DDOST: variants seen among roughly 807,000 people sequenced by gnomAD.
The protein encoded by DDOST is dolichyl-diphosphooligosaccharide--protein glycosyltransferase 48 kDa subunit.
DDOST carries 25 observed loss-of-function variants against 47.6 expected under a neutral mutation model. The ratio of observed to expected loss-of-function variants is 0.53; its 90% CI spans 0.38 to 0.73. DDOST has a LOEUF of 0.73. Among genes scored for constraint, DDOST ranks in the 30% least tolerant of loss-of-function variants. DDOST has a pLI of 0.00. For missense variants in DDOST, 526 were observed against 573.9 expected (o/e 0.92, Z 0.85); for synonymous variants, 275 against 236.0 (o/e 1.17, Z -1.51).
intron 2 of DDOST, among the ~76,000 whole-genome samples, chr1:20,660,145 CT>C (rs1423779433): frequency 1.3e-5 from 2 of 152,144 alleles, no homozygotes; most frequent in African/African-American, 4.8e-5. Context: ...ACCGAATAAG[CT>C]GTGATTATGT....
rs2053303222 is a variant in DDOST, at chr1:20,652,420, T to C, written c.1279A>G (p.Ile427Val). Residue 427 changes from isoleucine (I) to valine (V), a missense_variant, in exon 11 of 11, where the codon ATC (isoleucine) becomes GTC (valine). By Grantham distance (29) the Ile-to-Val change is conservative (BLOSUM62 3). Coordinates refer to ENST00000602624, the MANE Select transcript of DDOST (RefSeq NM_005216.5). ...SMMLGLFIFSIVFLHMKEKEK... is the reference protein window; with the variant it reads ...SMMLGLFIFSVVFLHMKEKEK... ...TTCTCCTTCATGTGCAAGAAGACGA[T>C]GCTGAAGATGAAGAGCCCCAGCATC... 2 of 1,613,962 alleles carry C rather than the reference T, an allele frequency of 1.2e-6. No homozygotes were observed. The highest frequency in any genetic ancestry group is 1.7e-6 in the Non-Finnish European group (2 of 1,179,976).
In DDOST at chr1:20,653,744, A is replaced by G; in HGVS notation, c.825T>C (p.Ala275=). The G allele has an allele frequency of 6.2e-7, 1 of 1,614,018 alleles. No homozygotes were observed. Among genetic ancestry groups the G allele is most frequent in the Non-Finnish European group, 8.5e-7 (1 of 1,179,946 alleles). Residue 275 remains alanine, a synonymous_variant, in exon 8 of 11, where the codon GCT becomes GCC. Coordinates refer to ENST00000602624, the MANE Select transcript of DDOST (RefSeq NM_005216.5). The part of the protein sequence containing the change: ...RYSQTGNYEL[A]VALSRWVFKE... ...TGAACACCCAGCGGGAGAGGGCCAC[A>G]GCTAGTTCATAGTTGCCTGTCTGGG...
chr1:20,658,035 A>C (rs1486679421), intron 2 of DDOST, among the ~76,000 whole-genome samples: 2 of 152,238 alleles, frequency 1.3e-5, no homozygotes, highest in African/African-American at 4.8e-5. Flanking sequence ...CAGCCTCACT[A>C]TAAAATTATC....
At chr1:20,658,179 A>T (rs2053396178) in intron 2 of DDOST, among the ~76,000 whole-genome samples, 2 of 152,214 alleles carry the variant, frequency 1.3e-5, no homozygotes, top group East Asian at 3.8e-4. Context: ...TTCCCCATCT[A>T]TAACAGGGAT....
chr1:20,655,837 G>T, intron 3 of DDOST, 58 bp from the exon 4 acceptor site: 1 of 1,412,032 alleles, frequency 7.1e-7, no homozygotes, highest in Non-Finnish European at 1.0e-6. Context: ...TGGGCCAAGT[G>T]TCCTTGGCTT....
In DDOST at chr1:20,661,208, C is replaced by G. The variant is rs2053430752; in HGVS notation, c.143G>C (p.Arg48Pro). 6.2e-7 allele frequency: 1 copy of G among 1,613,718 alleles called. No homozygotes were observed. Among genetic ancestry groups the G allele is most frequent in the Admixed American group, 1.7e-5 (1 of 60,004 alleles). The change falls in exon 1 of 11, where the codon CGG becomes CCG. Residue 48 changes from arginine (R) to proline (P), a missense_variant. Physicochemically the swap from Arg to Pro is moderately radical, Grantham distance 103. Transcript: ENST00000602624. ...NVRETHSLFF[R>P]SLKDRGFELT... ...GACCCCGCTCTCACCCTTCAGGCTC[C>G]GGAAGAAAAGCGAATGAGTCTCCCG...
At chr1:20,656,963 T>A (rs1301053015) in intron 2 of DDOST, among the ~76,000 whole-genome samples, 1 of 152,206 alleles carries the variant, frequency 6.6e-6, no homozygotes, top group Non-Finnish European at 1.5e-5. Flanking sequence ...TGCTCAGTAA[T>A]CCATTTATTC....
At chr1:20,655,349 G>GA (rs1401649077) in intron 5 of DDOST, 91 bp downstream of exon 5, 1 of 909,040 alleles carries the variant, frequency 1.1e-6, no homozygotes, top group African/African-American at 1.7e-5. Context: ...TACCCTTAAA[G>GA]AATTACAATT....
rs3738141 is a variant in DDOST at position 20,655,912 on chromosome 1, G to A, written c.353-133C>T. On this transcript the variant is annotated intron_variant, in intron 3 of 10. Transcript: ENST00000602624. ...CTTCATCCAGCTGGGCTCAGCCCCAGATGGACCCCTGGACAGCAGTGTGGT... is the reference window on the plus strand; with the variant it reads ...CTTCATCCAGCTGGGCTCAGCCCCAAATGGACCCCTGGACAGCAGTGTGGT... The A allele has an allele frequency of 0.19, 160,583 of 856,278 alleles. 15,995 individuals are homozygous for A. The highest frequency in any genetic ancestry group is 0.2 in the Non-Finnish European group (104,229 of 520,294). 53.0% of individuals were successfully genotyped at this position (856,278 alleles called of 1,614,324 possible). A position where few individuals can be genotyped will look rare whatever the true frequency, so the allele number is the denominator to read the frequency against.
In DDOST at chr1:20,660,925, T is replaced by TC. The variant is rs761796965; in HGVS notation, c.220dup (p.Glu74GlyfsTer5). ...AATGATGAGATTGTCATAGAGGAAT[T>TC]CCCCATACTTTATGAGAGACAGGCT... On this transcript the variant is annotated frameshift_variant, in exon 2 of 11. Coordinates refer to ENST00000602624, the MANE Select transcript of DDOST (RefSeq NM_005216.5). LOFTEE classifies it high-confidence loss of function. 6.2e-7 allele frequency: 1 copy of TC among 1,613,512 alleles called. No individual in the cohort carries two copies. Among genetic ancestry groups the TC allele is most frequent in the South Asian group, 1.1e-5 (1 of 91,052 alleles).
rs569862570 is a variant in DDOST, at chr1:20,652,247, G to C, written c.*132C>G. On this transcript the variant is annotated 3_prime_UTR_variant, in exon 11 of 11. Transcript: ENST00000602624. ...CCCAACTCCCACCCCTTGGCTCTCA[G>C]TGTTGCATCTCCCACAGAGGTAAAG... 3.4e-6 allele frequency: 3 copies of C among 881,420 alleles called. No individual in the cohort carries two copies. In the African/African-American group the frequency reaches 5.1e-5, roughly 15 times the overall value. The allele number at this position is 881,420 out of a possible 1,614,324, so 54.6% of individuals were successfully genotyped here. A position where few individuals can be genotyped will look rare whatever the true frequency, so the allele number is the denominator to read the frequency against.
In DDOST at chr1:20,652,738, AC is replaced by A; in HGVS notation, c.1064-12del. The A allele has an allele frequency of 1.9e-6, 3 of 1,614,078 alleles. No homozygotes were observed. The highest frequency in any genetic ancestry group is 2.5e-6 in the Non-Finnish European group (3 of 1,179,928). On this transcript the variant is annotated splice_polypyrimidine_tract_variant and intron_variant, in intron 9 of 10. Coordinates refer to ENST00000602624, the MANE Select transcript of DDOST (RefSeq NM_005216.5). ...CACTGTATTTGCCACCTGCGGAAGA[AC>A]CAACAAGAATAACCGGGAGGGGTTT...
chr1:20,652,732 G>T lies in DDOST; in HGVS notation c.1064-5C>A, dbSNP rs201875679. The T allele has an allele frequency of 6.2e-7, 1 of 1,614,062 alleles. No homozygotes were observed. Among genetic ancestry groups the T allele is most frequent in the Non-Finnish European group, 8.5e-7 (1 of 1,179,922 alleles). On this transcript the variant is annotated splice_polypyrimidine_tract_variant and splice_region_variant and intron_variant, in intron 9 of 10. Coordinates refer to ENST00000602624, the MANE Select transcript of DDOST (RefSeq NM_005216.5). ...ACTGAACACTGTATTTGCCACCTGC[G>T]GAAGAACCAACAAGAATAACCGGGA...
intron 2 of DDOST, among the ~76,000 whole-genome samples, chr1:20,657,441 C>T (rs1170362870): frequency 1.3e-5 from 2 of 152,168 alleles, no homozygotes; most frequent in Non-Finnish European, 2.9e-5. Context: ...CTGTGAAAAT[C>T]TAGGCAGTGA....
At chr1:20,654,584 T>C in intron 6 of DDOST, 30 bp downstream of exon 6, 1 of 1,529,692 alleles carries the variant, frequency 6.5e-7, no homozygotes. Context: ...TCATTTTTAT[T>C]TCGAAGCCTC....
At position 20,655,726 on chromosome 1, in the gene DDOST, TCTC is replaced by T; in HGVS notation, c.403_405del (p.Glu135del). ...TTGTGATGGTCAATGACAGCCGTTT[TCTC>T]CTCGTCAAACTCAATCCCGCACTCA... On this transcript the variant is annotated inframe_deletion, in exon 4 of 11. Transcript: ENST00000602624. 6.2e-7 allele frequency: 1 copy of T among 1,614,144 alleles called. No individual in the cohort carries two copies. The highest frequency in any genetic ancestry group is 1.1e-5 in the South Asian group (1 of 91,082).
intron 2 of DDOST, among the ~76,000 whole-genome samples, chr1:20,659,832 C>A (rs1345874122): frequency 6.6e-6 from 1 of 152,064 alleles, no homozygotes; most frequent in Non-Finnish European, 1.5e-5. Context: ...ATCACTTGAA[C>A]CTGGGAGGTC....
Position 20,661,332 on chromosome 1 carries a change from C to A in DDOST, c.19G>T (p.Ala7Ser), listed in dbSNP as rs1251441405. Residue 7 changes from alanine (A) to serine (S), a missense_variant, in exon 1 of 11, where the codon GCC becomes TCC. By Grantham distance (99) the Ala-to-Ser change is moderately conservative. Transcript: ENST00000602624. MEPSTAARAWALFWLLL... is the reference protein window; with the variant it reads MEPSTASRAWALFWLLL... ...AACCAAAAGAGGGCCCAAGCCCGGG[C>A]CGCGGTGCTGGGCTCCATCTTCCTC... The A allele has an allele frequency of 6.2e-6, 10 of 1,613,360 alleles. No individual in the cohort carries two copies. Among genetic ancestry groups the A allele is most frequent in the Admixed American group, 5.0e-5 (3 of 59,996 alleles).
chr1:20,655,357 A>G (rs1449673207), intron 5 of DDOST, 83 bp downstream of exon 5: 7 of 993,006 alleles, frequency 7.0e-6, no homozygotes, highest in South Asian at 1.4e-5. Context: ...AAGAATTACA[A>G]TTTTGCCTTG....
Sources: allele counts gnomAD v4.1 joint callset (sites outside exome capture counted in the v4.1 genomes callset), GRCh38; gene constraint gnomAD v4.1.1; transcripts MANE v1.5; gene names NCBI Gene and HGNC (gene_info 2026-07-23, HGNC 2026-07-21).